The following CSNK1G3 variants were observed in gnomAD, a reference collection of about 807,000 sequenced individuals.
CSNK1G3 encodes casein kinase I isoform gamma-3.
A neutral mutation model predicts 64.3 loss-of-function variants in CSNK1G3; 23 were observed. The observed-to-expected ratio is 0.36, with a 90% confidence interval of 0.26 to 0.51. The LOEUF (loss-of-function observed/expected upper bound fraction) is 0.51, where lower values mean the gene tolerates loss of function less well. CSNK1G3 is among the 20% of genes least tolerant of loss of function. The pLI is 0.96. For missense variants in CSNK1G3, 357 were observed against 510.5 expected, an observed-to-expected ratio of 0.70 and a Z score of 2.90; for synonymous variants, 158 against 162.2, an observed-to-expected ratio of 0.97 and a Z score of 0.20.
In CSNK1G3 at chr5:123,512,581, C is replaced by T. The variant is rs1336001552; in HGVS notation, c.-248+11C>T. On this transcript the variant is annotated intron_variant, in intron 1 of 12. Coordinates refer to ENST00000345990, the Ensembl canonical transcript of CSNK1G3. ...GGCCGCGCCTTTGAGGTAAAGCCCC[C>T]TGCGCGTAGGTGCTCCGCTGCCAGC... 2 of 151,022 alleles carry T rather than the reference C, an allele frequency of 1.3e-5. No individual in the cohort carries two copies. Among genetic ancestry groups the T allele is most frequent in the Non-Finnish European group, 3.0e-5 (2 of 67,660 alleles). The allele number at this position is 151,022 out of a possible 1,614,324, so 9.4% of individuals were successfully genotyped here.
At chr5:123,545,454 A>AT in exon 2 of CSNK1G3, 1 of 434,372 alleles carries the variant, frequency 2.3e-6, no homozygotes, top group Non-Finnish European at 4.1e-6. Context: ...TGAAAAGATA[A>AT]TTTTGAAGAC....
intron 10 of CSNK1G3, among the ~76,000 whole-genome samples, chr5:123,594,697 AT>A (rs1793090679): frequency 6.6e-6 from 1 of 152,078 alleles, no homozygotes; most frequent in African/African-American, 2.4e-5. Context: ...TGTGCCCAGG[AT>A]TTATTTGGAG....
chr5:123,605,462 G>T, intron 12 of CSNK1G3, 100 bp downstream of exon 13: 1 of 1,237,508 alleles, frequency 8.1e-7, no homozygotes, highest in Non-Finnish European at 1.2e-6. Context: ...TCTCAACACA[G>T]TGATTATAAT....
At chr5:123,599,858 A>T (rs1561609811) in intron 10 of CSNK1G3, among the ~76,000 whole-genome samples, 1 of 149,236 alleles carries the variant, frequency 6.7e-6, no homozygotes, top group Non-Finnish European at 1.5e-5. Flanking sequence ...TTATGAATTT[A>T]TTTTTTTTTT....
intron 8 of CSNK1G3, among the ~76,000 whole-genome samples, chr5:123,589,950 G>C (rs1285643363): frequency 6.6e-6 from 1 of 152,012 alleles, no homozygotes; most frequent in African/African-American, 2.4e-5. Context: ...CTATTAGTTA[G>C]TTGGTTTATG....
chr5:123,613,929 A>T (rs1175655325), intron 12 of CSNK1G3, among the ~76,000 whole-genome samples: 1 of 152,064 alleles, frequency 6.6e-6, no homozygotes, highest in Non-Finnish European at 1.5e-5. Context: ...TGTATATTGG[A>T]GTGTCTTTTT....
At chr5:123,594,951 G>A (rs1017185911) in intron 10 of CSNK1G3, 88 bp from the exon 11 acceptor site, 20 of 1,060,708 alleles carry the variant, frequency 1.9e-5, no homozygotes, top group Admixed American at 1.3e-4. Flanking sequence ...CCTTTTATAC[G>A]TTTGTTTTAT....
chr5:123,591,484 TAAAAC>T (rs1006687258), intron 10 of CSNK1G3, 70 bp downstream of exon 10: 1 of 859,800 alleles, frequency 1.2e-6, no homozygotes, highest in Non-Finnish European at 1.8e-6. Context: ...CTTCAATAGA[TAAAAC>T]AGACTGAAGG....
chr5:123,515,681 A>G (rs150447492), intron 1 of CSNK1G3, among the ~76,000 whole-genome samples: 177 of 152,302 alleles, frequency 1.2e-3, no homozygotes, highest in African/African-American at 4.2e-3. Context: ...AAGTAAAATC[A>G]TGTTACAGGG....
intron 6 of CSNK1G3, among the ~76,000 whole-genome samples, chr5:123,577,257 A>G (rs902958600): frequency 2.6e-5 from 4 of 152,028 alleles, no homozygotes; most frequent in African/African-American, 9.7e-5. Context: ...TTATTGGATA[A>G]TGGTATTTAG....
chr5:123,597,144 G>A (rs1232487922), intron 10 of CSNK1G3, among the ~76,000 whole-genome samples: 2 of 152,034 alleles, frequency 1.3e-5, no homozygotes, highest in African/African-American at 2.4e-5. Context: ...GTTTGATAAA[G>A]GGAGGAGAGA....
chr5:123,526,734 G>A (rs978923406), intron 1 of CSNK1G3, among the ~76,000 whole-genome samples: 4 of 151,988 alleles, frequency 2.6e-5, no homozygotes, highest in African/African-American at 9.7e-5. Flanking sequence ...ATATTGTAGC[G>A]AGTGTCAGTG....
chr5:123,564,452 A>G (rs1786426432), intron 4 of CSNK1G3, among the ~76,000 whole-genome samples: 1 of 152,124 alleles, frequency 6.6e-6, no homozygotes, highest in Non-Finnish European at 1.5e-5. Flanking sequence ...AAAAATTATG[A>G]AAATTTCATA....
At chr5:123,521,587 G>A (rs1016006190) in intron 1 of CSNK1G3, among the ~76,000 whole-genome samples, 7 of 152,022 alleles carry the variant, frequency 4.6e-5, no homozygotes, top group Non-Finnish European at 8.8e-5. Flanking sequence ...GAAATCCTGA[G>A]CATTTGGGAA....
chr5:123,527,828 T>C (rs527904029), intron 1 of CSNK1G3, among the ~76,000 whole-genome samples: 6 of 152,144 alleles, frequency 3.9e-5, no homozygotes, highest in Non-Finnish European at 5.9e-5. Flanking sequence ...AAAATATATT[T>C]TATTTTAGGT....
rs1204265781 is a variant in CSNK1G3 at position 123,575,696 on chromosome 5, A to G, written c.439-33A>G. On this transcript the variant is annotated intron_variant, in intron 5 of 12. Coordinates refer to ENST00000345990, the Ensembl canonical transcript of CSNK1G3. ...TTGCTTAGGCTAGTCAAAGCCCAAA[A>G]TAAAACTTCTCTTCTTTTTTTCTTA... The G allele has an allele frequency of 3.5e-6, 5 of 1,445,580 alleles. No homozygotes were observed. The South Asian group carries it at 3.5e-5, about 10-fold the overall frequency. 89.5% of individuals were successfully genotyped at this position (1,445,580 alleles called of 1,614,324 possible).
At chr5:123,526,073 T>C (rs1029336539) in intron 1 of CSNK1G3, among the ~76,000 whole-genome samples, 2 of 152,070 alleles carry the variant, frequency 1.3e-5, no homozygotes, top group Non-Finnish European at 2.9e-5. Flanking sequence ...GGTCTCACTC[T>C]GTTGCCCAGG....
intron 1 of CSNK1G3, among the ~76,000 whole-genome samples, chr5:123,521,341 G>A (rs1039636563): frequency 2.6e-5 from 4 of 152,020 alleles, no homozygotes; most frequent in South Asian, 4.2e-4. Flanking sequence ...TCTGTCATAC[G>A]AGTATCAGGA....
intron 1 of CSNK1G3, among the ~76,000 whole-genome samples, chr5:123,516,197 T>TTAA: frequency 6.6e-6 from 1 of 152,178 alleles, no homozygotes; most frequent in Non-Finnish European, 1.5e-5. Context: ...AATTGTGGGA[T>TTAA]CCTGTAGGTG....
Sources: gnomAD v4.1 joint callset for allele counts (sites outside exome capture counted in the v4.1 genomes callset) on GRCh38, gnomAD v4.1.1 for gene constraint, MANE v1.5 for transcripts, NCBI Gene and HGNC (gene_info 2026-07-23, HGNC 2026-07-21) for gene names.